Variants in MCPH1 observed in about 807,000 individuals in gnomAD.
MCPH1 encodes the protein microcephalin.
A neutral mutation model predicts 84.5 loss-of-function variants in MCPH1; 104 were observed. The ratio of observed to expected loss-of-function variants is 1.23; its 90% CI spans 1.05 to 1.45. The LOEUF (loss-of-function observed/expected upper bound fraction) is 1.45. Ranked by LOEUF, MCPH1 falls within the 40% of genes most tolerant of loss-of-function variation. The probability of loss-of-function intolerance (pLI) is 0.00; values close to 1 mark genes in which losing one functional copy is unlikely to be tolerated. For synonymous variants in MCPH1, 514 were observed against 366.8 expected (o/e 1.40, Z -4.58); for missense variants, 1,498 against 1,005.7 (o/e 1.49, Z -6.62).
At chr8:6,578,240 G>T (rs540371647) in intron 12 of MCPH1, among the ~76,000 whole-genome samples, 1 of 152,186 alleles carries the variant, frequency 6.6e-6, no homozygotes, top group African/African-American at 2.4e-5. Context: ...TCCCAAACTG[G>T]TATTTCTAGT....
chr8:6,580,411 C>G (rs1316425769), intron 12 of MCPH1, among the ~76,000 whole-genome samples: 1 of 152,182 alleles, frequency 6.6e-6, no homozygotes, highest in Non-Finnish European at 1.5e-5. Context: ...AATCCCAGCA[C>G]TTTGGGAGGC....
intron 6 of MCPH1, among the ~76,000 whole-genome samples, chr8:6,440,371 C>T (rs1585778118): frequency 6.6e-6 from 1 of 152,192 alleles, no homozygotes; most frequent in East Asian, 1.9e-4. Flanking sequence ...TCGTGTATTT[C>T]AATAATACTA....
At chr8:6,476,664 T>C (rs570182805) in intron 9 of MCPH1, among the ~76,000 whole-genome samples, 12 of 152,320 alleles carry the variant, frequency 7.9e-5, no homozygotes, top group Non-Finnish European at 1.3e-4. Context: ...ATACGTAGTA[T>C]ACAAACCGCT....
chr8:6,445,821 A>C (rs751681681), intron 8 of MCPH1: 41 of 1,186,846 alleles, frequency 3.5e-5, no homozygotes, highest in African/African-American at 4.7e-5. Context: ...AGTAGTCCAT[A>C]GTATGAATAA....
intron 1 of MCPH1, among the ~76,000 whole-genome samples, chr8:6,407,779 G>T (rs185082683): frequency 1.3e-5 from 2 of 152,156 alleles, no homozygotes; most frequent in African/African-American, 2.4e-5. Flanking sequence ...ATATCCACTA[G>T]AACAGGGGTC....
chr8:6,409,060 A>G (rs891883030), intron 1 of MCPH1, among the ~76,000 whole-genome samples: 2 of 151,662 alleles, frequency 1.3e-5, no homozygotes, highest in African/African-American at 2.4e-5. Flanking sequence ...AATTTTTTGT[A>G]TCTTTTAGTA....
intron 10 of MCPH1, among the ~76,000 whole-genome samples, chr8:6,480,250 G>A (rs970243419): frequency 1.3e-5 from 2 of 151,874 alleles, no homozygotes; most frequent in Non-Finnish European, 2.9e-5. Flanking sequence ...TCAGCCTCCT[G>A]AGTAGCTGGA....
At chr8:6,483,843 G>C (rs892011465) in intron 11 of MCPH1, among the ~76,000 whole-genome samples, 14 of 151,866 alleles carry the variant, frequency 9.2e-5, no homozygotes, top group African/African-American at 3.4e-4. Context: ...CTGGGTGACA[G>C]AGAGACACCC....
intron 13 of MCPH1, chr8:6,624,866 A>G (rs1253383522): frequency 1.0e-6 from 1 of 984,102 alleles, no homozygotes; most frequent in Non-Finnish European, 1.2e-6. Context: ...CCAGAAACAA[A>G]TCATATACTT....
chr8:6,604,651 C>T (rs149387698), intron 12 of MCPH1, among the ~76,000 whole-genome samples: 6 of 152,328 alleles, frequency 3.9e-5, no homozygotes, highest in East Asian at 1.9e-4. Flanking sequence ...ACTATACGTG[C>T]GTGCCACCAC....
intron 3 of MCPH1, among the ~76,000 whole-genome samples, chr8:6,416,733 C>T (rs1157272185): frequency 1.3e-5 from 2 of 152,132 alleles, no homozygotes; most frequent in Non-Finnish European, 2.9e-5. Context: ...GTGGCTCACA[C>T]CTGTAATTCC....
chr8:6,557,716 T>C lies in MCPH1; in HGVS notation c.2214+57787T>C, dbSNP rs62496876. 7.4e-3 allele frequency among the ~76,000 whole-genome samples: 772 copies of C among 103,628 alleles called. 5 individuals are homozygous for C. The highest frequency in any genetic ancestry group is 0.013 in the Non-Finnish European group (544 of 42,870). The allele number at this position is 103,628 out of a possible 152,430, so 68.0% of individuals were successfully genotyped here. A position where few individuals can be genotyped will look rare whatever the true frequency, so the allele number is the denominator to read the frequency against. On this transcript the variant is annotated intron_variant, in intron 12 of 13. Coordinates refer to ENST00000344683, the MANE Select transcript of MCPH1 (RefSeq NM_024596.5). The stretch of plus-strand genomic sequence containing the variant: ...ACACACACACACACACACACACACA[T>C]ACATATATACAGGGAGAGATAGAAT...
intron 8 of MCPH1, chr8:6,445,874 G>T: frequency 9.4e-7 from 1 of 1,061,954 alleles, no homozygotes; most frequent in African/African-American, 1.7e-5. Flanking sequence ...TTGGAGTCTT[G>T]GCGCTGCAGC....
At position 6,609,871 on chromosome 8, in the gene MCPH1, G is replaced by A. The variant is rs143897100; in HGVS notation, c.2215-11583G>A. 4.8e-3 allele frequency among the ~76,000 whole-genome samples: 723 copies of A among 150,846 alleles called. 6 individuals carry two copies. Among genetic ancestry groups the A allele is most frequent in the African/African-American group, 0.017 (699 of 41,144 alleles). On this transcript the variant is annotated intron_variant, in intron 12 of 13. Transcript: ENST00000344683. Reference sequence around the variant, plus strand: ...GTAAACCACAGAGGGTGAGGGGGGTGCAGGTCATGGTTGCCTTATTACACA... The same window carrying A: ...GTAAACCACAGAGGGTGAGGGGGGTACAGGTCATGGTTGCCTTATTACACA...
rs1050332243 is a variant in MCPH1, at chr8:6,518,933, A to C, written c.2214+19004A>C. Among the ~76,000 whole-genome samples, 6 of 152,122 alleles carry C rather than the reference A, an allele frequency of 3.9e-5. No homozygotes were observed. The East Asian group carries it at 1.2e-3, about 29-fold the overall frequency. ...AGGGTTTTTTTTTTTCCTTATCTAAAGTTCAGTGTCTCCCAAAGCACCTTC... is the reference window on the plus strand; with the variant it reads ...AGGGTTTTTTTTTTTCCTTATCTAACGTTCAGTGTCTCCCAAAGCACCTTC... On this transcript the variant is annotated intron_variant, in intron 12 of 13. Coordinates refer to ENST00000344683, the MANE Select transcript of MCPH1 (RefSeq NM_024596.5).
chr8:6,527,922 A>G (rs1023922135), intron 12 of MCPH1, among the ~76,000 whole-genome samples: 7 of 88,632 alleles, frequency 7.9e-5, no homozygotes, highest in Non-Finnish European at 1.6e-4. Flanking sequence ...TTGAGATGGA[A>G]TCTCGCTCCA....
chr8:6,522,320 A>T (rs529395618), intron 12 of MCPH1, among the ~76,000 whole-genome samples: 1 of 151,904 alleles, frequency 6.6e-6, no homozygotes. Context: ...ATGCCACTGC[A>T]CTCCAGCCTG....
intron 12 of MCPH1, among the ~76,000 whole-genome samples, chr8:6,588,593 A>T (rs1828184439): frequency 6.6e-6 from 1 of 152,244 alleles, no homozygotes; most frequent in Admixed American, 6.5e-5. Flanking sequence ...GAACTGCCTG[A>T]GTCCATGTGA....
At chr8:6,416,654 A>G (rs984706398) in intron 3 of MCPH1, among the ~76,000 whole-genome samples, 3 of 152,160 alleles carry the variant, frequency 2.0e-5, no homozygotes, top group Non-Finnish European at 4.4e-5. Flanking sequence ...GTCCTAGGAT[A>G]AATCCTACTT....
Sources: allele counts gnomAD v4.1 joint callset (sites outside exome capture counted in the v4.1 genomes callset), GRCh38; gene constraint gnomAD v4.1.1; transcripts MANE v1.5; gene names NCBI Gene and HGNC (gene_info 2026-07-23, HGNC 2026-07-21).